Variants in WDR48 observed in about 807,000 individuals in gnomAD.
The protein encoded by WDR48 is WD repeat domain 48, also known as WD repeat-containing protein 48.
In WDR48, 22 loss-of-function variants were observed where a neutral mutation model predicts 94.0. The ratio of observed to expected loss-of-function variants is 0.23; its 90% CI spans 0.17 to 0.33. WDR48 has a LOEUF of 0.33. Ranked by LOEUF, WDR48 falls within the 10% of genes least tolerant of loss-of-function variation. The pLI is 1.00. For missense variants in WDR48, 541 were observed against 813.8 expected, an observed-to-expected ratio of 0.66 and a Z score of 4.08; for synonymous variants, 278 against 280.5, an observed-to-expected ratio of 0.99 and a Z score of 0.09.
chr3:39,076,651 G>T (rs1478925743), intron 8 of WDR48, among the ~76,000 whole-genome samples: 2 of 152,178 alleles, frequency 1.3e-5, no homozygotes, highest in Non-Finnish European at 2.9e-5. Context: ...TCTTATATGT[G>T]CAGTATTTTA....
chr3:39,073,425 C>T (rs145610495), intron 7 of WDR48, among the ~76,000 whole-genome samples: 4 of 152,108 alleles, frequency 2.6e-5, no homozygotes, highest in Non-Finnish European at 5.9e-5. Flanking sequence ...AGTCATGGGG[C>T]AGGCCAGTAA....
intron 11 of WDR48, among the ~76,000 whole-genome samples, chr3:39,080,682 A>C (rs1276865990): frequency 6.6e-6 from 1 of 152,244 alleles, no homozygotes; most frequent in Non-Finnish European, 1.5e-5. Context: ...AAGAAGGAAC[A>C]GATTTCAGGA....
At chr3:39,068,716 A>T in intron 5 of WDR48, 55 bp from the exon 6 acceptor site, 1 of 1,329,854 alleles carries the variant, frequency 7.5e-7, no homozygotes, top group African/African-American at 1.4e-5. Flanking sequence ...TTTGCTGACT[A>T]GTTACTAAAC....
In WDR48 at chr3:39,082,375, T is replaced by G. The variant is rs548497914; in HGVS notation, c.1174-1780T>G. On this transcript the variant is annotated intron_variant, in intron 11 of 18. Transcript: ENST00000302313. ...CAGCTCACTGCAACCTCTGACTCCC[T>G]GGTTCAAGCGATTCTCCTGCCTCAG... Among the ~76,000 whole-genome samples, 6 of 151,970 alleles carry G rather than the reference T, an allele frequency of 3.9e-5. No homozygotes were observed. The East Asian group carries it at 9.7e-4, about 25-fold the overall frequency.
intron 1 of WDR48, among the ~76,000 whole-genome samples, chr3:39,059,167 G>A (rs2033102249): frequency 6.6e-6 from 1 of 151,874 alleles, no homozygotes; most frequent in African/African-American, 2.4e-5. Context: ...AGGAGAATGA[G>A]ATCAGAAAGG....
intron 8 of WDR48, among the ~76,000 whole-genome samples, chr3:39,076,254 A>T (rs2034219204): frequency 1.3e-5 from 2 of 152,214 alleles, no homozygotes; most frequent in African/African-American, 4.8e-5. Flanking sequence ...AATAGATGGC[A>T]TATCCTAATG....
rs924859796 is a variant in WDR48, at chr3:39,095,979, T to C, written c.*1236T>C. On this transcript the variant is annotated 3_prime_UTR_variant, in exon 19 of 19. Transcript: ENST00000302313. ...ACAAGTGCCTTCAGAGGGCAGTTGA[T>C]TCCAGTCCAGTTGCCTCCCTAGCTT... is the stretch of plus-strand genomic sequence containing the variant. 2 of 152,682 alleles carry C rather than the reference T, an allele frequency of 1.3e-5. No individual in the cohort carries two copies. Among genetic ancestry groups the C allele is most frequent in the Non-Finnish European group, 2.9e-5 (2 of 68,040 alleles). 9.5% of individuals were successfully genotyped at this position (152,682 alleles called of 1,614,324 possible).
intron 11 of WDR48, among the ~76,000 whole-genome samples, chr3:39,083,027 C>A (rs2034617630): frequency 6.6e-6 from 1 of 152,132 alleles, no homozygotes; most frequent in African/African-American, 2.4e-5. Flanking sequence ...AGTGGCAGCT[C>A]CAGAACTAAT....
chr3:39,069,885 G>A, intron 7 of WDR48, 141 bp downstream of exon 7: 1 of 573,960 alleles, frequency 1.7e-6, no homozygotes. Context: ...ATACTAAATT[G>A]CACATATAAG....
chr3:39,052,040 C>T lies in WDR48; in HGVS notation c.15C>T (p.His5=). The T allele has an allele frequency of 6.2e-7, 1 of 1,613,972 alleles. No homozygotes were observed. The highest frequency in any genetic ancestry group is 1.3e-5 in the African/African-American group (1 of 75,058). Residue 5 remains histidine (H), a synonymous_variant, in exon 1 of 19, where the codon CAC becomes CAT. Coordinates refer to ENST00000302313, the MANE Select transcript of WDR48 (RefSeq NM_020839.4). ...CAACATGCAAGATGGCGGCCCATCA[C>T]CGGCAGAACACAGCAGGGCGGAGGA... The part of the protein sequence containing the change: MAAH[H]RQNTAGRRKV...
At chr3:39,077,389 A>G (rs2034287958) in intron 9 of WDR48, among the ~76,000 whole-genome samples, 176 bp downstream of exon 9, 1 of 152,242 alleles carries the variant, frequency 6.6e-6, no homozygotes, top group Non-Finnish European at 1.5e-5. Flanking sequence ...TACTAAAATT[A>G]AGATAATAGT....
intron 1 of WDR48, among the ~76,000 whole-genome samples, chr3:39,053,301 A>G (rs1455952009): frequency 1.3e-5 from 2 of 152,224 alleles, no homozygotes; most frequent in African/African-American, 2.4e-5. Context: ...TAGTTAGATG[A>G]AGGGGTCCTT....
intron 11 of WDR48, among the ~76,000 whole-genome samples, chr3:39,083,672 G>A (rs1424849958): frequency 6.6e-6 from 1 of 152,194 alleles, no homozygotes; most frequent in Non-Finnish European, 1.5e-5. Context: ...CAAGTCTCCA[G>A]TAAATGAGGG....
chr3:39,088,924 T>C (rs2034949409), intron 15 of WDR48, among the ~76,000 whole-genome samples: 1 of 152,232 alleles, frequency 6.6e-6, no homozygotes, highest in African/African-American at 2.4e-5. Context: ...TGCCATGCAC[T>C]GTGGCACTAG....
intron 2 of WDR48, 45 bp downstream of exon 2, chr3:39,063,235 T>G (rs532201602): frequency 2.5e-6 from 4 of 1,602,220 alleles, no homozygotes; most frequent in Non-Finnish European, 3.4e-6. Context: ...TCTGGACAAA[T>G]GGCTTTTACT....
intron 13 of WDR48, among the ~76,000 whole-genome samples, chr3:39,084,967 C>T (rs1031464224): frequency 2.6e-5 from 4 of 152,242 alleles, no homozygotes; most frequent in Admixed American, 6.5e-5. Flanking sequence ...GTGGCTCACA[C>T]CTGTAATCTC....
At position 39,089,302 on chromosome 3, in the gene WDR48, T is replaced by C; in HGVS notation, c.1652T>C (p.Ile551Thr). ...AATGAAACAGTGCCACAATGGGTAA[T>C]TGACATCACTGTGGATGTAAGTATC... The part of the protein sequence containing the change: ...LLNETVPQWV[I>T]DITVDKNMPK... The change falls in exon 16 of 19, where the codon ATT becomes ACT. Residue 551 changes from isoleucine (I) to threonine (T), a missense_variant. Physicochemically the swap from Ile to Thr is moderately conservative, Grantham distance 89. Coordinates refer to ENST00000302313, the MANE Select transcript of WDR48 (RefSeq NM_020839.4). 2 of 1,613,082 alleles carry C rather than the reference T, an allele frequency of 1.2e-6. No homozygotes were observed. Among genetic ancestry groups the C allele is most frequent in the African/African-American group, 1.3e-5 (1 of 75,054 alleles).
At chr3:39,075,432 C>T (rs2034170934) in intron 8 of WDR48, among the ~76,000 whole-genome samples, 1 of 152,038 alleles carries the variant, frequency 6.6e-6, no homozygotes. Context: ...TCCATGGTTT[C>T]AGGAGTAAGG....
chr3:39,069,477 A>G (rs1257898997), intron 6 of WDR48, among the ~76,000 whole-genome samples, 166 bp from the exon 7 acceptor site: 4 of 152,230 alleles, frequency 2.6e-5, no homozygotes, highest in Admixed American at 2.0e-4. Flanking sequence ...TTGATGTTTG[A>G]AAGGCCTAAT....
Sources: gnomAD v4.1 joint callset for allele counts (sites outside exome capture counted in the v4.1 genomes callset) on GRCh38, gnomAD v4.1.1 for gene constraint, MANE v1.5 for transcripts, NCBI Gene and HGNC (gene_info 2026-07-23, HGNC 2026-07-21) for gene names.